Variants in ACSL1 observed in about 807,000 individuals in gnomAD.
The protein encoded by ACSL1 is acyl-CoA synthetase long chain family member 1, also known as long-chain-fatty-acid--CoA ligase 1.
In ACSL1, 41 loss-of-function variants were observed where a neutral mutation model predicts 98.4. The ratio of observed to expected loss-of-function variants is 0.42; its 90% confidence interval spans 0.32 to 0.54. The LOEUF is 0.54. Among genes scored for constraint, ACSL1 ranks in the 20% least tolerant of loss-of-function variants. ACSL1 has a pLI of 0.13. For synonymous variants in ACSL1, 316 were observed against 322.7 expected, an observed-to-expected ratio of 0.98 and a Z score of 0.22; for missense variants, 734 against 883.1, an observed-to-expected ratio of 0.83 and a Z score of 2.14.
At chr4:184,771,240 T>TTTTA (rs1486448255) in intron 10 of ACSL1, among the ~76,000 whole-genome samples, 1 of 152,122 alleles carries the variant, frequency 6.6e-6, no homozygotes, top group Non-Finnish European at 1.5e-5. Context: ...AATTGGAAGG[T>TTTTA]TAAGGGATTA....
chr4:184,772,112 T>C (rs1764601544), intron 10 of ACSL1, among the ~76,000 whole-genome samples: 2 of 152,246 alleles, frequency 1.3e-5, no homozygotes, highest in South Asian at 4.1e-4. Context: ...TCTGTAATCA[T>C]TTGCCTCAAT....
rs1036718325 is a variant in ACSL1 at position 184,815,696 on chromosome 4, A to G, written c.-33+10220T>C. Among the ~76,000 whole-genome samples, 5 of 152,186 alleles carry G rather than the reference A, an allele frequency of 3.3e-5. No homozygotes were observed. In the East Asian group the frequency reaches 9.6e-4, roughly 29 times the overall value. On this transcript the variant is annotated intron_variant, in intron 1 of 20. Transcript: ENST00000281455. ...AACCACAGAAATGGCTTAGCAGGACACGGGTGAGAAGACAGGACACAAAGA... is the reference window on the plus strand; with the variant it reads ...AACCACAGAAATGGCTTAGCAGGACGCGGGTGAGAAGACAGGACACAAAGA...
At chr4:184,826,065 T>C (rs891376506), upstream of ACSL1, 3 of 138,406 alleles carry the variant, frequency 2.2e-5, no homozygotes, top group African/African-American at 7.6e-5. Flanking sequence ...TGAGCCAGGA[T>C]GCTGCTGGTG....
intron 2 of ACSL1, among the ~76,000 whole-genome samples, chr4:184,796,076 C>T (rs993729516): frequency 1.3e-5 from 2 of 152,106 alleles, no homozygotes; most frequent in Non-Finnish European, 2.9e-5. Flanking sequence ...AAAGGCAGAC[C>T]CACCCTTAAT....
chr4:184,802,650 T>C (rs1770722299), intron 2 of ACSL1, among the ~76,000 whole-genome samples: 1 of 152,192 alleles, frequency 6.6e-6, no homozygotes. Flanking sequence ...ATCCTAAGGT[T>C]TCCTTACGCC....
chr4:184,818,911 A>G (rs893668153), intron 1 of ACSL1, among the ~76,000 whole-genome samples: 16 of 152,216 alleles, frequency 1.1e-4, no homozygotes, highest in Admixed American at 1.0e-3. Context: ...TAGTTTCCAT[A>G]TGAAGGGCGG....
Position 184,766,503 on chromosome 4 carries a change from C to T in ACSL1, c.1263+119G>A. 7.2e-7 allele frequency: 1 copy of T among 1,385,916 alleles called. No homozygotes were observed. The highest frequency in any genetic ancestry group is 9.8e-7 in the Non-Finnish European group (1 of 1,023,870). The allele number at this position is 1,385,916 out of a possible 1,614,324, so 85.9% of individuals were successfully genotyped here. On this transcript the variant is annotated intron_variant, in intron 13 of 20. Transcript: ENST00000281455. This position sits in a 1 kb window ranked among gnomAD's most constrained non-coding sequence, Gnocchi z 4.8. The stretch of plus-strand genomic sequence containing the variant: ...GTTTTTAAATGTGTGCCAGAATTAA[C>T]AAAAACATGTTATTCTCTCCCTTAC...
chr4:184,826,079 T>A (rs1370766627), upstream of ACSL1: 103 of 118,422 alleles, frequency 8.7e-4, no homozygotes, highest in African/African-American at 2.7e-3. Flanking sequence ...GCTGGTGCGC[T>A]CGCCGCGCCG....
chr4:184,807,552 C>T (rs1771584767), intron 1 of ACSL1, among the ~76,000 whole-genome samples: 1 of 152,168 alleles, frequency 6.6e-6, no homozygotes, highest in African/African-American at 2.4e-5. Flanking sequence ...GGCACAAGCC[C>T]AGTGTAAAGA....
intron 5 of ACSL1, among the ~76,000 whole-genome samples, chr4:184,778,277 G>A (rs567723234): frequency 7.9e-5 from 12 of 152,304 alleles, no homozygotes; most frequent in South Asian, 6.2e-4. Context: ...AGGCACAGCC[G>A]GGGGAAGGGG....
chr4:184,790,744 A>C (rs546988370), intron 2 of ACSL1, among the ~76,000 whole-genome samples: 1 of 152,354 alleles, frequency 6.6e-6, no homozygotes, highest in Admixed American at 6.5e-5. Context: ...TTAAAGAGGA[A>C]CTTTCCTGTA....
In ACSL1 at chr4:184,788,510, G is replaced by A. The variant is rs115462343; in HGVS notation, c.310+107C>T. ...ACAGTGGACACAGAGGGGCCTGAGCGATCCTAAGGAGGCGAAAGATAGGAG... is the reference window on the plus strand; with the variant it reads ...ACAGTGGACACAGAGGGGCCTGAGCAATCCTAAGGAGGCGAAAGATAGGAG... On this transcript the variant is annotated intron_variant, in intron 3 of 20. Transcript: ENST00000281455. 1,594 of 876,674 alleles carry A rather than the reference G, an allele frequency of 1.8e-3. 2 individuals carry two copies. The highest frequency in any genetic ancestry group is 2.6e-3 in the Non-Finnish European group (1,408 of 532,768). 54.3% of individuals were successfully genotyped at this position (876,674 alleles called of 1,614,324 possible).
At position 184,757,396 on chromosome 4, in the gene ACSL1, C is replaced by A; in HGVS notation, c.1957-131G>T. The A allele has an allele frequency of 8.2e-7, 1 of 1,219,918 alleles. No individual in the cohort carries two copies. Among genetic ancestry groups the A allele is most frequent in the East Asian group, 2.5e-5 (1 of 40,768 alleles). The allele number at this position is 1,219,918 out of a possible 1,614,324, so 75.6% of individuals were successfully genotyped here. ...TCCTCTCATTTCAGCCAAGCTGCAC[C>A]TTCTCAACAAAGGACAGGCATCCTA... On this transcript the variant is annotated intron_variant, in intron 20 of 20. Coordinates refer to ENST00000281455, the MANE Select transcript of ACSL1 (RefSeq NM_001995.5). This position sits in a 1 kb window ranked among gnomAD's most constrained non-coding sequence, Gnocchi z 4.5.
At chr4:184,823,853 A>G (rs1773254207) in intron 1 of ACSL1, among the ~76,000 whole-genome samples, 1 of 152,228 alleles carries the variant, frequency 6.6e-6, no homozygotes, top group Admixed American at 6.5e-5. Flanking sequence ...ATTTTTCTGC[A>G]TACACCATGC....
chr4:184,769,271 G>C, intron 11 of ACSL1, among the ~76,000 whole-genome samples: 1 of 152,084 alleles, frequency 6.6e-6, no homozygotes, highest in East Asian at 1.9e-4. Flanking sequence ...AGAGTGGCTT[G>C]CCATTCAGCT....
At chr4:184,785,723 G>C (rs1767173601) in intron 3 of ACSL1, among the ~76,000 whole-genome samples, 1 of 149,084 alleles carries the variant, frequency 6.7e-6, no homozygotes, top group Non-Finnish European at 1.5e-5. Flanking sequence ...TCCATAAAAG[G>C]ACTTTCATTT....
intron 4 of ACSL1, among the ~76,000 whole-genome samples, chr4:184,782,746 A>G (rs1766522503): frequency 6.6e-6 from 1 of 152,226 alleles, no homozygotes; most frequent in Non-Finnish European, 1.5e-5. Context: ...GGGAGGTGTG[A>G]GAAGTTGCTT....
At chr4:184,824,507 A>G (rs1272977612) in intron 1 of ACSL1, among the ~76,000 whole-genome samples, 2 of 152,182 alleles carry the variant, frequency 1.3e-5, no homozygotes, top group East Asian at 3.8e-4. Flanking sequence ...GGGGAGAGGT[A>G]TAAGGTGTGC....
chr4:184,800,046 A>G (rs1770201465), intron 2 of ACSL1, among the ~76,000 whole-genome samples: 1 of 152,322 alleles, frequency 6.6e-6, no homozygotes, highest in South Asian at 2.1e-4. Flanking sequence ...TACTAACTGT[A>G]TGATATAATT....
Sources: gnomAD v4.1 joint callset for allele counts (sites outside exome capture counted in the v4.1 genomes callset) on GRCh38, gnomAD v4.1.1 for gene constraint, Gnocchi (gnomAD v3.1) non-coding constraint, MANE v1.5 for transcripts, NCBI Gene and HGNC (gene_info 2026-07-23, HGNC 2026-07-21) for gene names.